Variants in SGMS1 observed in about 807,000 individuals in gnomAD.
SGMS1 encodes the protein sphingomyelin synthase 1.
Under a neutral mutation model 46.2 loss-of-function variants are expected in SGMS1, and 13 were observed. The ratio of observed to expected loss-of-function variants is 0.28; its 90% CI spans 0.18 to 0.45. The LOEUF is 0.45. Ranked by LOEUF, SGMS1 falls within the 20% of genes least tolerant of loss-of-function variation. SGMS1 has a pLI of 1.00. For synonymous variants in SGMS1, 203 were observed against 187.8 expected (o/e 1.08, Z -0.66); for missense variants, 324 against 519.9 (o/e 0.62, Z 3.66).
intron 2 of SGMS1, among the ~76,000 whole-genome samples, chr10:50,528,455 G>A (rs1040797911): frequency 3.3e-5 from 5 of 152,338 alleles, no homozygotes; most frequent in African/African-American, 1.2e-4. Flanking sequence ...TCAATACACA[G>A]CAGGGACTAT....
chr10:50,427,736 C>T (rs1379586206), intron 6 of SGMS1, among the ~76,000 whole-genome samples: 1 of 152,190 alleles, frequency 6.6e-6, no homozygotes, highest in Non-Finnish European at 1.5e-5. Flanking sequence ...ACAGCACCCA[C>T]ACCATACTCT....
intron 6 of SGMS1, among the ~76,000 whole-genome samples, chr10:50,433,105 C>A (rs188912355): frequency 2.0e-5 from 3 of 152,080 alleles, no homozygotes; most frequent in Non-Finnish European, 2.9e-5. Flanking sequence ...GAAAAAAATA[C>A]GTGAGTGAGA....
intron 4 of SGMS1, among the ~76,000 whole-genome samples, chr10:50,461,699 A>G (rs775059845): frequency 6.6e-6 from 1 of 152,156 alleles, no homozygotes; most frequent in Non-Finnish European, 1.5e-5. Flanking sequence ...GATAAAAATC[A>G]TAGGTGCTCT....
chr10:50,600,730 T>C (rs1838642126), intron 1 of SGMS1, among the ~76,000 whole-genome samples: 1 of 152,220 alleles, frequency 6.6e-6, no homozygotes, highest in Non-Finnish European at 1.5e-5. Flanking sequence ...ACTAACCTTT[T>C]TGAGAGTCTT....
chr10:50,345,643 A>C (rs1847902379), intron 6 of SGMS1, among the ~76,000 whole-genome samples: 1 of 152,224 alleles, frequency 6.6e-6, no homozygotes, highest in South Asian at 2.1e-4. Context: ...GCTGAAACTC[A>C]AAATCCAAAA....
intron 2 of SGMS1, among the ~76,000 whole-genome samples, chr10:50,532,418 A>G (rs1837963415): frequency 6.6e-6 from 1 of 152,182 alleles, no homozygotes; most frequent in African/African-American, 2.4e-5. Flanking sequence ...TTTCTTAAGT[A>G]TAAGTATAGC....
At chr10:50,392,128 C>T (rs577768920) in intron 6 of SGMS1, among the ~76,000 whole-genome samples, 1 of 151,530 alleles carries the variant, frequency 6.6e-6, no homozygotes, top group South Asian at 2.1e-4. Context: ...GCCAAATCCC[C>T]ATGACACGCA....
At chr10:50,372,442 C>A (rs1848451921) in intron 6 of SGMS1, among the ~76,000 whole-genome samples, 1 of 152,184 alleles carries the variant, frequency 6.6e-6, no homozygotes, top group African/African-American at 2.4e-5. Flanking sequence ...CGCCTGTAAT[C>A]CCAGCACTTT....
At chr10:50,605,727 A>G (rs1392537308) in intron 1 of SGMS1, among the ~76,000 whole-genome samples, 1 of 152,258 alleles carries the variant, frequency 6.6e-6, no homozygotes, top group Admixed American at 6.5e-5. Flanking sequence ...ACTGATCACA[A>G]GAAGGCACAT....
intron 1 of SGMS1, among the ~76,000 whole-genome samples, chr10:50,598,539 G>A (rs1471850123): frequency 6.6e-6 from 1 of 152,184 alleles, no homozygotes; most frequent in African/African-American, 2.4e-5. Flanking sequence ...CTTGGTGAAT[G>A]GCTGGATATC....
intron 2 of SGMS1, among the ~76,000 whole-genome samples, chr10:50,556,336 C>G (rs918339666): frequency 6.6e-6 from 1 of 152,176 alleles, no homozygotes; most frequent in Non-Finnish European, 1.5e-5. Flanking sequence ...CAGACAAGTG[C>G]TAAGTGCCAT....
At chr10:50,494,946 G>C (rs1051012448) in intron 3 of SGMS1, among the ~76,000 whole-genome samples, 325 of 150,932 alleles carry the variant, frequency 2.2e-3, no homozygotes, top group African/African-American at 6.9e-3. Context: ...TGAGGCAGGA[G>C]AATGGCGTGA....
chr10:50,454,022 C>A (rs758540472), intron 5 of SGMS1, among the ~76,000 whole-genome samples: 1 of 116,384 alleles, frequency 8.6e-6, no homozygotes. Flanking sequence ...TCTATTCATA[C>A]TAGACTTTCA....
intron 7 of SGMS1, among the ~76,000 whole-genome samples, chr10:50,327,723 G>C (rs1259545725): frequency 6.6e-6 from 1 of 152,178 alleles, no homozygotes; most frequent in Non-Finnish European, 1.5e-5. Context: ...AAATCAGAAT[G>C]ATATTAGAAT....
At chr10:50,392,395 T>C (rs1390763362) in intron 6 of SGMS1, among the ~76,000 whole-genome samples, 2 of 152,214 alleles carry the variant, frequency 1.3e-5, no homozygotes, top group Non-Finnish European at 2.9e-5. Context: ...AACATCATCA[T>C]GACTTAGATT....
intron 3 of SGMS1, among the ~76,000 whole-genome samples, chr10:50,467,539 T>G (rs959280466): frequency 1.3e-5 from 2 of 152,048 alleles, no homozygotes; most frequent in African/African-American, 4.8e-5. Context: ...AATATACACA[T>G]GAATTAGGGT....
intron 2 of SGMS1, among the ~76,000 whole-genome samples, chr10:50,535,966 T>C (rs10826160): frequency 0.31 from 46,535 of 152,058 alleles, 8,086 homozygotes; most frequent in East Asian, 0.64. Context: ...TTCTTCTTCT[T>C]TACTATATTG....
intron 5 of SGMS1, among the ~76,000 whole-genome samples, chr10:50,450,335 T>C (rs1837090916): frequency 1.3e-5 from 2 of 152,194 alleles, no homozygotes; most frequent in South Asian, 4.1e-4. Context: ...TGGTTAGCCA[T>C]CCCTAACTGG....
intron 2 of SGMS1, among the ~76,000 whole-genome samples, chr10:50,558,680 C>G (rs770887612): frequency 8.5e-5 from 13 of 152,146 alleles, no homozygotes; most frequent in Non-Finnish European, 1.5e-4. Context: ...CTCTGCCAAC[C>G]CTGAGACAGC....
Sources: gnomAD v4.1 joint callset for allele counts (sites outside exome capture counted in the v4.1 genomes callset) on GRCh38, gnomAD v4.1.1 for gene constraint, MANE v1.5 for transcripts, NCBI Gene and HGNC (gene_info 2026-07-23, HGNC 2026-07-21) for gene names.